Variants in BRD10 observed in about 807,000 individuals in gnomAD.
The protein encoded by BRD10 is uncharacterized bromodomain-containing protein 10.
chr9:5,968,667 C>T, the BRD10 span: 4 of 1,613,808 alleles, frequency 2.5e-6, no homozygotes, highest in East Asian at 6.7e-5. Flanking sequence ...CTATGTTCTC[C>T]ATTACTTGTA....
At chr9:5,883,393 C>T in the BRD10 span, among the ~76,000 whole-genome samples, 1 of 151,588 alleles carries the variant, frequency 6.6e-6, no homozygotes, top group Admixed American at 6.6e-5. Flanking sequence ...TGGCAGCAAC[C>T]TGGAAGGTCA....
At chr9:5,945,755 T>C in the BRD10 span, among the ~76,000 whole-genome samples, 1 of 152,062 alleles carries the variant, frequency 6.6e-6, no homozygotes, top group Non-Finnish European at 1.5e-5. Context: ...ATTCATTCAA[T>C]ATACTTTTTT....
chr9:5,966,274 C>T, the BRD10 span, among the ~76,000 whole-genome samples: 1 of 152,080 alleles, frequency 6.6e-6, no homozygotes, highest in Non-Finnish European at 1.5e-5. Flanking sequence ...CCAATTTTCT[C>T]TCTGATCTAC....
chr9:5,957,208 G>A, the BRD10 span, among the ~76,000 whole-genome samples: 7 of 152,020 alleles, frequency 4.6e-5, no homozygotes, highest in Non-Finnish European at 8.8e-5. Flanking sequence ...ACCCTCCCAG[G>A]TAGGTAATAA....
At chr9:5,985,941 G>C in the BRD10 span, among the ~76,000 whole-genome samples, 1 of 151,894 alleles carries the variant, frequency 6.6e-6, no homozygotes, top group African/African-American at 2.4e-5. Context: ...AAAATTGTTG[G>C]GTTGTGGGCA....
the BRD10 span, among the ~76,000 whole-genome samples, chr9:5,927,344 G>A: frequency 1.3e-5 from 2 of 152,040 alleles, no homozygotes; most frequent in African/African-American, 4.8e-5. Context: ...TCTACCAAAT[G>A]TCCCTTCCTT....
At chr9:5,920,605 C>A in the BRD10 span, 14 of 1,613,800 alleles carry the variant, frequency 8.7e-6, no homozygotes, top group Admixed American at 1.7e-5. Context: ...CATTTGTTGG[C>A]ACTGTAGTTG....
At chr9:5,892,703 T>C in the BRD10 span, 2 of 631,672 alleles carry the variant, frequency 3.2e-6, no homozygotes, top group Non-Finnish European at 5.2e-6. Flanking sequence ...GGAGATTCTG[T>C]GCTTCTATAA....
chr9:5,915,002 AAAC>A, the BRD10 span, among the ~76,000 whole-genome samples: 14 of 152,292 alleles, frequency 9.2e-5, no homozygotes, highest in Admixed American at 1.3e-4. Context: ...CAAAAGAACA[AAAC>A]AACAATAACC....
chr9:5,919,353 T>C, the BRD10 span: 9 of 186,350 alleles, frequency 4.8e-5, no homozygotes, highest in Middle Eastern at 4.3e-3. Flanking sequence ...CATGTCAATG[T>C]AAATGTGCAA....
chr9:5,916,136 A>G, the BRD10 span, among the ~76,000 whole-genome samples: 1 of 152,238 alleles, frequency 6.6e-6, no homozygotes, highest in African/African-American at 2.4e-5. Flanking sequence ...TGACAACATT[A>G]TAGTAACAAT....
At chr9:5,968,785 C>T in the BRD10 span, 1 of 1,613,918 alleles carries the variant, frequency 6.2e-7, no homozygotes, top group Non-Finnish European at 8.5e-7. Flanking sequence ...GTTTATAAAT[C>T]CGTACATCTG....
At chr9:5,979,245 G>A in the BRD10 span, among the ~76,000 whole-genome samples, 1 of 152,234 alleles carries the variant, frequency 6.6e-6, no homozygotes, top group Non-Finnish European at 1.5e-5. Flanking sequence ...TGGGCATGGT[G>A]GCTCATGCCT....
At chr9:5,960,632 T>G in the BRD10 span, among the ~76,000 whole-genome samples, 2 of 151,776 alleles carry the variant, frequency 1.3e-5, no homozygotes, top group Middle Eastern at 3.4e-3. Flanking sequence ...CAAACAGAAC[T>G]GGTTGAAAGT....
the BRD10 span, among the ~76,000 whole-genome samples, chr9:5,990,651 T>C: frequency 6.6e-6 from 1 of 152,210 alleles, no homozygotes; most frequent in Admixed American, 6.5e-5. Flanking sequence ...TGATATTTAT[T>C]ACTCATAATT....
the BRD10 span, among the ~76,000 whole-genome samples, chr9:5,996,394 C>G: frequency 6.6e-6 from 1 of 152,138 alleles, no homozygotes; most frequent in Non-Finnish European, 1.5e-5. Context: ...TCTCAGCTCA[C>G]TGCAACCTTT....
At chr9:5,993,721 T>C in the BRD10 span, among the ~76,000 whole-genome samples, 2 of 152,182 alleles carry the variant, frequency 1.3e-5, no homozygotes, top group Admixed American at 1.3e-4. Flanking sequence ...TGTCCTCCTG[T>C]CAGTCCCTCC....
At chr9:5,953,680 T>C in the BRD10 span, among the ~76,000 whole-genome samples, 1 of 151,572 alleles carries the variant, frequency 6.6e-6, no homozygotes, top group Non-Finnish European at 1.5e-5. Flanking sequence ...TGCTTTTATG[T>C]ATTATATATA....
chr9:6,007,739 C>T, the BRD10 span: 1 of 1,598,262 alleles, frequency 6.3e-7, no homozygotes, highest in Non-Finnish European at 8.5e-7. Flanking sequence ...GGCGGCCGCT[C>T]TTCCTCCCCA....
Sources: gnomAD v4.1 joint callset for allele counts (sites outside exome capture counted in the v4.1 genomes callset) on GRCh38, gnomAD v4.1.1 for gene constraint, MANE v1.5 for transcripts, NCBI Gene and HGNC (gene_info 2026-07-23, HGNC 2026-07-21) for gene names.